Variants in ADGRL2 observed in about 807,000 individuals in gnomAD.
The protein encoded by ADGRL2 is adhesion G protein-coupled receptor L2, also known as calcium-independent alpha-latrotoxin receptor 2.
Under a neutral mutation model 157.4 loss-of-function variants are expected in ADGRL2, and 44 were observed. The observed-to-expected ratio is 0.28, with a 90% CI of 0.22 to 0.36. The LOEUF is 0.36. Ranked by LOEUF, ADGRL2 falls within the 10% of genes least tolerant of loss-of-function variation. The pLI is 1.00. For synonymous variants in ADGRL2, 585 were observed against 624.7 expected, an observed-to-expected ratio of 0.94 and a Z score of 0.95; for missense variants, 1,510 against 1,768.9, an observed-to-expected ratio of 0.85 and a Z score of 2.63.
At position 81,836,895 on chromosome 1, in the gene ADGRL2, C is replaced by T; in HGVS notation, c.-90C>T. ...TTGTTTGTTTTTCAGATATGAAGATCAATGATGCAGACTGATGGTTTTGAT... is the reference window on the plus strand; with the variant it reads ...TTGTTTGTTTTTCAGATATGAAGATTAATGATGCAGACTGATGGTTTTGAT... On this transcript the variant is annotated 5_prime_UTR_variant, in exon 2 of 24. Transcript: ENST00000686636. 1 of 715,160 alleles carries T rather than the reference C, an allele frequency of 1.4e-6. No individual in the cohort carries two copies. The highest frequency in any genetic ancestry group is 2.4e-6 in the Non-Finnish European group (1 of 420,412). 44.3% of individuals were successfully genotyped at this position (715,160 alleles called of 1,614,324 possible).
intron 3 of ADGRL2, 100 bp downstream of exon 3, chr1:81,907,330 G>A: frequency 1.1e-6 from 1 of 949,946 alleles, no homozygotes; most frequent in Non-Finnish European, 1.6e-6. Flanking sequence ...CCACATCCCA[G>A]CCTATTTATT....
At position 81,949,579 on chromosome 1, in the gene ADGRL2, G is replaced by A. The variant is rs1158464488; in HGVS notation, c.1211-610G>A. Among the ~76,000 whole-genome samples the A allele has an allele frequency of 3.9e-5, 6 of 152,236 alleles. No homozygotes were observed. The South Asian group carries it at 8.3e-4, about 21-fold the overall frequency. On this transcript the variant is annotated intron_variant, in intron 6 of 23. Transcript: ENST00000686636. ...CTACCTTTTTCAAGGTAACGATGCC[G>A]AAGCCTGAGATGTTTCCTTAATAAA...
intron 1 of ADGRL2, among the ~76,000 whole-genome samples, chr1:81,363,116 A>G (rs1028151339): frequency 2.6e-5 from 4 of 152,124 alleles, no homozygotes; most frequent in Non-Finnish European, 5.9e-5. Context: ...CGAATATCTT[A>G]AATCATTTCA....
chr1:81,665,706 T>G (rs576591497), intron 3 of ADGRL2, among the ~76,000 whole-genome samples: 106 of 152,308 alleles, frequency 7.0e-4, no homozygotes, highest in Non-Finnish European at 1.3e-3. Flanking sequence ...GCCTCCAATA[T>G]TAACAGCAAT....
intron 2 of ADGRL2, among the ~76,000 whole-genome samples, chr1:81,459,749 CACAT>C (rs913637017): frequency 6.6e-6 from 1 of 150,938 alleles, no homozygotes; most frequent in Admixed American, 6.6e-5. Context: ...TATATACACA[CACAT>C]ATATATATCC....
In ADGRL2 at chr1:81,567,656, G is replaced by A. The variant is rs982375319; in HGVS notation, c.-247-13220G>A. Among the ~76,000 whole-genome samples, 6 of 152,046 alleles carry A rather than the reference G, an allele frequency of 3.9e-5. No homozygotes were observed. In the East Asian group the frequency reaches 1.2e-3, roughly 29 times the overall value. ...TTCAATGAAGCACTAAAATATACTT[G>A]TCAAGTCCCCATTTGTCCGCTGTGT... On this transcript the variant is annotated intron_variant, in intron 2 of 24. Transcript: ENST00000370721.
chr1:81,712,067 A>G (rs1303599552), intron 1 of ADGRL2, among the ~76,000 whole-genome samples: 2 of 152,226 alleles, frequency 1.3e-5, no homozygotes, highest in African/African-American at 4.8e-5. Context: ...GCCTGGGACT[A>G]TGATTTCTGT....
At chr1:81,880,791 C>G (rs554397848) in intron 2 of ADGRL2, among the ~76,000 whole-genome samples, 5 of 152,104 alleles carry the variant, frequency 3.3e-5, no homozygotes, top group Admixed American at 2.6e-4. Context: ...CATGTTTAGG[C>G]AAGCCCCCTG....
chr1:81,759,639 CAA>C (rs1467464405), intron 1 of ADGRL2, among the ~76,000 whole-genome samples: 2 of 151,958 alleles, frequency 1.3e-5, no homozygotes, highest in Admixed American at 6.6e-5. Flanking sequence ...TAATATTCAC[CAA>C]AGTGTCATCA....
chr1:81,434,177 A>T (rs1372093591), intron 1 of ADGRL2, among the ~76,000 whole-genome samples: 3 of 152,218 alleles, frequency 2.0e-5, no homozygotes, highest in Non-Finnish European at 2.9e-5. Context: ...CAATTAGAGG[A>T]GTAGTAAATA....
At chr1:81,352,517 C>T (rs1163423593) in intron 1 of ADGRL2, among the ~76,000 whole-genome samples, 1 of 152,064 alleles carries the variant, frequency 6.6e-6, no homozygotes, top group African/African-American at 2.4e-5. Context: ...CTGGAGGATA[C>T]TAGTTTAGGT....
At chr1:81,747,266 T>C (rs2085326363) in intron 1 of ADGRL2, among the ~76,000 whole-genome samples, 1 of 149,048 alleles carries the variant, frequency 6.7e-6, no homozygotes. Flanking sequence ...TATATGTATA[T>C]GTGTATATAT....
rs150697166 is a variant in ADGRL2, at chr1:81,666,437, G to T, written c.-143+85457G>T. On this transcript the variant is annotated intron_variant, in intron 3 of 24. Transcript: ENST00000370721. ...AACCTTTTCAGCCAGAGATAAAAAC[G>T]TATTGATTGGTAACTGCTGAAGGAC... 2.0e-3 allele frequency among the ~76,000 whole-genome samples: 302 copies of T among 152,230 alleles called. 1 individual carries two copies. The highest frequency in any genetic ancestry group is 6.8e-3 in the African/African-American group (281 of 41,550).
intron 3 of ADGRL2, among the ~76,000 whole-genome samples, chr1:81,589,671 ACTAT>A (rs1463629397): frequency 1.3e-5 from 2 of 152,238 alleles, no homozygotes; most frequent in East Asian, 3.9e-4. Flanking sequence ...AATCTTTGAG[ACTAT>A]CTATTATGAA....
chr1:81,897,983 A>G (rs1008497881), intron 2 of ADGRL2, among the ~76,000 whole-genome samples: 4 of 152,144 alleles, frequency 2.6e-5, no homozygotes, highest in African/African-American at 4.8e-5. Flanking sequence ...CTGCAGTCCT[A>G]ACTACTCTGG....
chr1:81,844,396 T>C (rs557003645), intron 2 of ADGRL2, among the ~76,000 whole-genome samples: 1 of 152,310 alleles, frequency 6.6e-6, no homozygotes, highest in Non-Finnish European at 1.5e-5. Context: ...TACACTTTAA[T>C]TTTTTAATAT....
intron 2 of ADGRL2, among the ~76,000 whole-genome samples, chr1:81,901,309 G>A (rs1057463913): frequency 9.9e-5 from 15 of 151,594 alleles, no homozygotes; most frequent in African/African-American, 2.4e-4. Context: ...CAACAAATAC[G>A]TAGTCAGAGA....
At chr1:81,697,455 CA>C (rs2083468922), upstream of ADGRL2, among the ~76,000 whole-genome samples, 1 of 151,868 alleles carries the variant, frequency 6.6e-6, no homozygotes, top group Non-Finnish European at 1.5e-5. Context: ...CTTTTTTTGC[CA>C]GTGATTTGAA....
intron 2 of ADGRL2, among the ~76,000 whole-genome samples, chr1:81,841,218 C>G (rs971927236): frequency 6.6e-6 from 1 of 152,112 alleles, no homozygotes; most frequent in Non-Finnish European, 1.5e-5. Context: ...GAAAAATGTT[C>G]TGCCAGGTAT....
Sources: allele counts gnomAD v4.1 joint callset (sites outside exome capture counted in the v4.1 genomes callset), GRCh38; gene constraint gnomAD v4.1.1; transcripts MANE v1.5; gene names NCBI Gene and HGNC (gene_info 2026-07-23, HGNC 2026-07-21).